The following VPS45 variants were observed in gnomAD, a reference collection of about 807,000 sequenced individuals.
VPS45 encodes the protein vacuolar protein sorting 45 homolog.
Under a neutral mutation model 75.9 loss-of-function variants are expected in VPS45, and 35 were observed. That is an observed-to-expected ratio of 0.46 (90% CI 0.35 to 0.61). The LOEUF (loss-of-function observed/expected upper bound fraction) is 0.61. VPS45 is among the 20% of genes least tolerant of loss of function. The pLI is 0.00. For missense variants in VPS45, 559 were observed against 685.9 expected, an observed-to-expected ratio of 0.81 and a Z score of 2.07; for synonymous variants, 220 against 238.2, an observed-to-expected ratio of 0.92 and a Z score of 0.70.
chr1:150,068,924 C>T, intron 2 of VPS45, 160 bp downstream of exon 2: 3 of 812,182 alleles, frequency 3.7e-6, no homozygotes, highest in Non-Finnish European at 5.3e-6. Context: ...GTTTTGTTTC[C>T]ATATTTCAGT....
At chr1:150,099,181 C>A in intron 13 of VPS45, 1 of 512,788 alleles carries the variant, frequency 2.0e-6, no homozygotes, top group Non-Finnish European at 2.5e-6. Flanking sequence ...TGTAACTTAA[C>A]CACATATAGA....
intron 13 of VPS45, among the ~76,000 whole-genome samples, chr1:150,102,659 G>A (rs1657108094): frequency 6.6e-6 from 1 of 151,972 alleles, no homozygotes; most frequent in African/African-American, 2.4e-5. Context: ...TAAGGAAAAT[G>A]TACATATACA....
intron 14 of VPS45, among the ~76,000 whole-genome samples, chr1:150,141,977 T>C (rs1571927064): frequency 6.9e-6 from 1 of 144,282 alleles, no homozygotes; most frequent in Non-Finnish European, 1.5e-5. Flanking sequence ...AAAATTATTC[T>C]TTTTGTTTTG....
At chr1:150,081,001 T>A (rs1301666274) in intron 7 of VPS45, among the ~76,000 whole-genome samples, 2 of 152,184 alleles carry the variant, frequency 1.3e-5, no homozygotes, top group Non-Finnish European at 2.9e-5. Context: ...AGTACCAATA[T>A]AGCTCTATCT....
intron 13 of VPS45, among the ~76,000 whole-genome samples, chr1:150,102,564 AC>A (rs1178564186): frequency 1.3e-5 from 2 of 151,608 alleles, no homozygotes; most frequent in Non-Finnish European, 2.9e-5. Flanking sequence ...AAAAAAAGAC[AC>A]GTGCACACAA....
intron 10 of VPS45, among the ~76,000 whole-genome samples, chr1:150,089,937 A>G (rs2101560273): frequency 6.6e-6 from 1 of 152,336 alleles, no homozygotes; most frequent in East Asian, 1.9e-4. Flanking sequence ...AACCCAAAAA[A>G]TCAACAATAG....
rs587595749 is a variant in VPS45, at chr1:150,094,241, A to G, written c.1493+593A>G. Among the ~76,000 whole-genome samples, 3 of 147,272 alleles carry G rather than the reference A, an allele frequency of 2.0e-5. No homozygotes were observed. In the Admixed American group the frequency reaches 2.1e-4, roughly 10 times the overall value. ...ACCTGAAATTTTAAATACTGTATAC[A>G]TAAATTCTACCTAGTTAAAAATTAT... On this transcript the variant is annotated intron_variant, in intron 13 of 14. Coordinates refer to ENST00000644510, the MANE Select transcript of VPS45 (RefSeq NM_007259.5).
intron 14 of VPS45, 147 bp from the exon 15 acceptor site, chr1:150,144,562 C>T: frequency 1.5e-6 from 1 of 664,898 alleles, no homozygotes; most frequent in Non-Finnish European, 2.5e-6. Flanking sequence ...TCAACTGATG[C>T]TTCCATTCTA....
chr1:150,137,043 TGC>T (rs1659145806), intron 14 of VPS45, among the ~76,000 whole-genome samples: 1 of 151,996 alleles, frequency 6.6e-6, no homozygotes, highest in African/African-American at 2.4e-5. Flanking sequence ...GGACCACAGG[TGC>T]ATGCTACCAC....
At chr1:150,104,345 C>T (rs1482795338) in intron 13 of VPS45, among the ~76,000 whole-genome samples, 1 of 152,166 alleles carries the variant, frequency 6.6e-6, no homozygotes, top group Non-Finnish European at 1.5e-5. Flanking sequence ...GACATGATAT[C>T]ATTCTTTTTT....
chr1:150,108,816 A>G (rs587611508), intron 13 of VPS45, among the ~76,000 whole-genome samples: 36 of 152,270 alleles, frequency 2.4e-4, no homozygotes, highest in African/African-American at 8.4e-4. Flanking sequence ...ATGAGAATCT[A>G]ACGCCTCCAC....
intron 3 of VPS45, among the ~76,000 whole-genome samples, chr1:150,072,821 G>C (rs1244959247): frequency 1.3e-5 from 2 of 150,422 alleles, no homozygotes; most frequent in African/African-American, 2.4e-5. Flanking sequence ...TCTCACCCCT[G>C]CCAAAAAAAA....
intron 14 of VPS45, among the ~76,000 whole-genome samples, chr1:150,136,893 G>C (rs1659132386): frequency 6.6e-6 from 1 of 151,998 alleles, no homozygotes; most frequent in African/African-American, 2.4e-5. Context: ...GGTATTTCCA[G>C]ATGTAGATTT....
At chr1:150,085,032 G>A (rs373746382) in intron 10 of VPS45, among the ~76,000 whole-genome samples, 24 of 152,020 alleles carry the variant, frequency 1.6e-4, no homozygotes, top group East Asian at 1.5e-3. Context: ...ACCTAAAGTC[G>A]CATTCTTTTT....
intron 9 of VPS45, among the ~76,000 whole-genome samples, 188 bp from the exon 10 acceptor site, chr1:150,082,528 A>AAT (rs1398870290): frequency 7.9e-5 from 12 of 151,222 alleles, no homozygotes; most frequent in Non-Finnish European, 1.3e-4. Flanking sequence ...AAAAAAAAAA[A>AAT]ACTCAGTCTA....
chr1:150,092,239 T>C (rs781891790), intron 11 of VPS45, 63 bp from the exon 12 acceptor site: 23 of 1,550,682 alleles, frequency 1.5e-5, no homozygotes, highest in Non-Finnish European at 1.8e-5. Flanking sequence ...AATAAAATTA[T>C]TTTCTTATGA....
intron 14 of VPS45, among the ~76,000 whole-genome samples, chr1:150,135,555 T>G (rs1362105557): frequency 1.3e-5 from 2 of 149,192 alleles, no homozygotes; most frequent in Non-Finnish European, 3.0e-5. Flanking sequence ...CATGAGTCAC[T>G]GGGCCTGGCC....
intron 14 of VPS45, among the ~76,000 whole-genome samples, chr1:150,122,999 A>AAG (rs1334982898): frequency 1.3e-5 from 2 of 151,716 alleles, no homozygotes; most frequent in Admixed American, 6.6e-5. Context: ...AAAAAAAAAA[A>AAG]AAAAAGCATT....
At chr1:150,091,172 T>C (rs1447192214) in intron 10 of VPS45, among the ~76,000 whole-genome samples, 1 of 152,224 alleles carries the variant, frequency 6.6e-6, no homozygotes, top group Non-Finnish European at 1.5e-5. Flanking sequence ...CTTCACCCCA[T>C]TGACTGTGAA....
Sources: allele counts gnomAD v4.1 joint callset (sites outside exome capture counted in the v4.1 genomes callset), GRCh38; gene constraint gnomAD v4.1.1; transcripts MANE v1.5; gene names NCBI Gene and HGNC (gene_info 2026-07-23, HGNC 2026-07-21).